CFAP61: variants seen among roughly 807,000 people sequenced by gnomAD.
The protein encoded by CFAP61 is cilia and flagella associated protein 61.
A neutral mutation model predicts 135.6 loss-of-function variants in CFAP61; 107 were observed. The ratio of observed to expected loss-of-function variants is 0.79; its 90% CI spans 0.67 to 0.93. CFAP61 has a LOEUF of 0.93. Ranked by LOEUF, CFAP61 falls within the 40% of genes least tolerant of loss-of-function variation. The pLI is 0.00. For synonymous variants in CFAP61, 575 were observed against 578.5 expected, an observed-to-expected ratio of 0.99 and a Z score of 0.09; for missense variants, 1,507 against 1,556.2, an observed-to-expected ratio of 0.97 and a Z score of 0.53.
At chr20:20,287,980 GTGC>G (rs2054717974) in intron 22 of CFAP61, among the ~76,000 whole-genome samples, 2 of 152,184 alleles carry the variant, frequency 1.3e-5, no homozygotes, top group African/African-American at 4.8e-5. Flanking sequence ...CCCTCACACA[GTGC>G]CTGGCATATG....
intron 13 of CFAP61, among the ~76,000 whole-genome samples, chr20:20,186,967 C>A (rs12481442): frequency 6.6e-6 from 1 of 152,098 alleles, no homozygotes; most frequent in Non-Finnish European, 1.5e-5. Flanking sequence ...CAGTCAGTCT[C>A]TCCTTCCCAT....
intron 14 of CFAP61, among the ~76,000 whole-genome samples, chr20:20,189,577 G>A (rs950059721): frequency 6.6e-6 from 1 of 152,026 alleles, no homozygotes; most frequent in Non-Finnish European, 1.5e-5. Flanking sequence ...TGGTCCTGGT[G>A]TTCTTCACCG....
rs192757506 is a variant in CFAP61, at chr20:20,278,602, G to A, written c.2796+1144G>A. Among the ~76,000 whole-genome samples the A allele has an allele frequency of 1.5e-3, 229 of 152,280 alleles. 1 individual carries two copies. Among genetic ancestry groups the A allele is most frequent in the Non-Finnish European group, 2.4e-3 (165 of 68,028 alleles). ...CAGTGGGCAAGCCATTTAGGGGCAG[G>A]CATTCACAGCAGGCCCTTACCTAGG... On this transcript the variant is annotated intron_variant, in intron 22 of 26. Transcript: ENST00000245957.
intron 20 of CFAP61, among the ~76,000 whole-genome samples, chr20:20,262,723 A>G (rs2052347983): frequency 6.6e-6 from 1 of 151,698 alleles, no homozygotes; most frequent in South Asian, 2.1e-4. Flanking sequence ...GAGTTTTGAA[A>G]CAATTTGTTA....
rs188156880 is a variant in CFAP61, at chr20:20,343,321, C to G, written c.3513+1400C>G. Among the ~76,000 whole-genome samples, 21 of 152,308 alleles carry G rather than the reference C, an allele frequency of 1.4e-4. No homozygotes were observed. The East Asian group carries it at 2.9e-3, about 21-fold the overall frequency. On this transcript the variant is annotated intron_variant, in intron 26 of 26. Coordinates refer to ENST00000245957, the MANE Select transcript of CFAP61 (RefSeq NM_015585.4). ...CACTTTTCAGTTTCACTCCCAGGGT[C>G]CAGCTGGGAACTGTAAATCATTTCC...
Position 20,052,588 on chromosome 20 carries a change from T to C in CFAP61, c.-40T>C, listed in dbSNP as rs757058902. 2.5e-6 allele frequency: 4 copies of C among 1,613,790 alleles called. No individual in the cohort carries two copies. Among genetic ancestry groups the C allele is most frequent in the Non-Finnish European group, 3.4e-6 (4 of 1,179,860 alleles). On this transcript the variant is annotated 5_prime_UTR_variant, in exon 1 of 27. The change abolishes an upstream ATG in the 5' untranslated region. Coordinates refer to ENST00000245957, the MANE Select transcript of CFAP61 (RefSeq NM_015585.4). ...GAGTGCGGCGTCCTGGAGCTGCGGA[T>C]GAGGTGGGTAACGCCGTGCTGACTA... is the stretch of plus-strand genomic sequence containing the variant.
In CFAP61 at chr20:20,228,310, A is replaced by T. The variant is rs202019286; in HGVS notation, c.1994A>T (p.Asn665Ile). ...KLTLEPKITV[N>I]AKIIVVGASS... ...ACATTGGAACCTAAAATTACTGTCAATGCCAAGATCATTGTGGTTGGTGCA... is the reference window on the plus strand; with the variant it reads ...ACATTGGAACCTAAAATTACTGTCATTGCCAAGATCATTGTGGTTGGTGCA... The change falls in exon 18 of 27, where the codon AAT becomes ATT. Residue 665 changes from asparagine to isoleucine, a missense_variant. Transcript: ENST00000245957. 28 of 1,611,520 alleles carry T rather than the reference A, an allele frequency of 1.7e-5. No homozygotes were observed. Among genetic ancestry groups the T allele is most frequent in the Non-Finnish European group, 2.1e-5 (25 of 1,177,942 alleles).
At position 20,128,287 on chromosome 20, in the gene CFAP61, C is replaced by T. The variant is rs77427138; in HGVS notation, c.860-14570C>T. Among the ~76,000 whole-genome samples, 107 of 151,860 alleles carry T rather than the reference C, an allele frequency of 7.0e-4. 3 individuals are homozygous for T. The East Asian group carries it at 0.021, about 29-fold the overall frequency. On this transcript the variant is annotated intron_variant, in intron 8 of 26. Transcript: ENST00000245957. ...GTGTTTTTCCCCACTCCTCTGGCCG[C>T]CCTTCTGATGGATCCCTGTGGTGCC...
At chr20:20,285,069 C>T (rs1048669595) in intron 22 of CFAP61, among the ~76,000 whole-genome samples, 1 of 152,114 alleles carries the variant, frequency 6.6e-6, no homozygotes, top group East Asian at 1.9e-4. Flanking sequence ...GAATTCTGGG[C>T]TTATAGGTTA....
intron 25 of CFAP61, among the ~76,000 whole-genome samples, chr20:20,304,493 C>T (rs1462454559): frequency 1.3e-5 from 2 of 151,810 alleles, no homozygotes; most frequent in African/African-American, 4.8e-5. Context: ...CCCCACAGGC[C>T]TCGCTCATGC....
At chr20:20,340,949 C>T (rs1277245211) in intron 25 of CFAP61, among the ~76,000 whole-genome samples, 2 of 152,122 alleles carry the variant, frequency 1.3e-5, no homozygotes, top group Non-Finnish European at 2.9e-5. Context: ...GCCCCCGTGG[C>T]CCCTGGGACA....
At chr20:20,169,264 G>GT in intron 12 of CFAP61, 57 bp from the exon 13 acceptor site, 3 of 1,502,112 alleles carry the variant, frequency 2.0e-6, no homozygotes, top group Non-Finnish European at 2.7e-6. Context: ...AGAGGAATTT[G>GT]TTTTTTGATT....
intron 7 of CFAP61, among the ~76,000 whole-genome samples, chr20:20,091,506 GCTCTCT>G (rs11467726): frequency 6.7e-6 from 1 of 149,656 alleles, no homozygotes; most frequent in African/African-American, 2.5e-5. Flanking sequence ...TCTCTTGCTG[GCTCTCT>G]CTCTCTCTCT....
At chr20:20,102,637 C>T (rs932629992) in intron 8 of CFAP61, among the ~76,000 whole-genome samples, 10 of 152,060 alleles carry the variant, frequency 6.6e-5, no homozygotes, top group African/African-American at 2.4e-4. Flanking sequence ...CCTCCTCCCA[C>T]CCTCCACCCT....
intron 25 of CFAP61, among the ~76,000 whole-genome samples, chr20:20,320,325 T>G (rs1288737687): frequency 1.7e-5 from 1 of 58,424 alleles, no homozygotes; most frequent in Non-Finnish European, 3.8e-5. Flanking sequence ...GATATATAGA[T>G]ATATATATAT....
chr20:20,201,381 C>T (rs2056612702), intron 17 of CFAP61, among the ~76,000 whole-genome samples: 1 of 152,140 alleles, frequency 6.6e-6, no homozygotes, highest in African/African-American at 2.4e-5. Context: ...GATCTGTGCC[C>T]CCACCACTTC....
chr20:20,265,217 C>A (rs1460575586), intron 21 of CFAP61, among the ~76,000 whole-genome samples: 2 of 152,204 alleles, frequency 1.3e-5, no homozygotes, highest in East Asian at 1.9e-4. Flanking sequence ...TGTCAGCCTG[C>A]AGTGCTGTGC....
At chr20:20,097,088 T>C (rs985720557) in intron 7 of CFAP61, among the ~76,000 whole-genome samples, 9 of 87,260 alleles carry the variant, frequency 1.0e-4, no homozygotes, top group African/African-American at 3.7e-4. Context: ...AATAGTAGTT[T>C]AATACCTATT....
At chr20:20,240,324 TA>T (rs2049926250) in intron 18 of CFAP61, among the ~76,000 whole-genome samples, 1 of 152,078 alleles carries the variant, frequency 6.6e-6, no homozygotes, top group Non-Finnish European at 1.5e-5. Flanking sequence ...GAGGAGCTGG[TA>T]AAACAGTCAT....
Sources: allele counts gnomAD v4.1 joint callset (sites outside exome capture counted in the v4.1 genomes callset), GRCh38; gene constraint gnomAD v4.1.1; transcripts MANE v1.5; gene names NCBI Gene and HGNC (gene_info 2026-07-23, HGNC 2026-07-21).